CA8: variants seen among roughly 807,000 people sequenced by gnomAD.
CA8 encodes carbonic anhydrase 8 (inactive), also known as carbonic anhydrase-related protein.
In CA8, 22 loss-of-function variants were observed where a neutral mutation model predicts 41.4. The observed-to-expected ratio is 0.53, with a 90% CI of 0.38 to 0.76. The LOEUF (loss-of-function observed/expected upper bound fraction) is 0.76, where lower values mean the gene tolerates loss of function less well. Ranked by LOEUF, CA8 falls within the 30% of genes least tolerant of loss-of-function variation. The pLI, the probability that CA8 is intolerant of heterozygous loss-of-function variation, is 0.00. For synonymous variants in CA8, 121 were observed against 130.6 expected (o/e 0.93, Z 0.50); for missense variants, 270 against 352.8 (o/e 0.77, Z 1.88).
At chr8:60,194,671 A>G (rs553103077) in intron 8 of CA8, among the ~76,000 whole-genome samples, 1 of 152,144 alleles carries the variant, frequency 6.6e-6, no homozygotes, top group Non-Finnish European at 1.5e-5. Flanking sequence ...GCCTCCTTTT[A>G]CTCCAGCTTC....
chr8:60,199,357 A>AACTAGATTAAAG (rs1005664621), intron 8 of CA8, among the ~76,000 whole-genome samples: 5 of 152,106 alleles, frequency 3.3e-5, no homozygotes, highest in Non-Finnish European at 7.4e-5. Flanking sequence ...TTCAGGCAAA[A>AACTAGATTAAAG]ACTAGATTAA....
At chr8:60,193,392 C>T (rs1014386583) in intron 8 of CA8, among the ~76,000 whole-genome samples, 3 of 152,170 alleles carry the variant, frequency 2.0e-5, no homozygotes, top group Admixed American at 2.0e-4. Context: ...ATTTATTCAT[C>T]CCCTTGGTTT....
chr8:60,240,945 G>T (rs1421784165), intron 3 of CA8, among the ~76,000 whole-genome samples: 1 of 151,996 alleles, frequency 6.6e-6, no homozygotes, highest in Non-Finnish European at 1.5e-5. Flanking sequence ...AGTAAGCACT[G>T]GAAAAAGAAG....
At chr8:60,236,186 C>G (rs1807823005) in intron 3 of CA8, among the ~76,000 whole-genome samples, 1 of 152,154 alleles carries the variant, frequency 6.6e-6, no homozygotes, top group Non-Finnish European at 1.5e-5. Context: ...CTCATACAAT[C>G]AGTTAAAGGG....
intron 3 of CA8, among the ~76,000 whole-genome samples, chr8:60,256,116 G>C (rs1040234347): frequency 1.3e-5 from 2 of 151,996 alleles, no homozygotes; most frequent in African/African-American, 2.4e-5. Flanking sequence ...CACCATGTTG[G>C]TCAGGCTGGT....
At position 60,188,086 on chromosome 8, in the gene CA8, C is replaced by T. The variant is rs1806011987; in HGVS notation, c.*1935G>A. ...TCCAAACAATGTCACCAATGGACAC[C>T]ATGATCTGAACCAAGTAGTTCATTT... On this transcript the variant is annotated 3_prime_UTR_variant, in exon 9 of 9. Transcript: ENST00000317995. 6.6e-6 allele frequency: 1 copy of T among 152,136 alleles called. No individual in the cohort carries two copies. Among genetic ancestry groups the T allele is most frequent in the Non-Finnish European group, 1.5e-5 (1 of 68,026 alleles). 9.4% of individuals were successfully genotyped at this position (152,136 alleles called of 1,614,324 possible).
chr8:60,251,714 A>G (rs1808457205), intron 3 of CA8, among the ~76,000 whole-genome samples: 1 of 152,238 alleles, frequency 6.6e-6, no homozygotes, highest in South Asian at 2.1e-4. Flanking sequence ...GTCATCTGCC[A>G]TTCTTTCAAA....
chr8:60,260,599 CT>C (rs1301200882), intron 3 of CA8, among the ~76,000 whole-genome samples: 2 of 152,240 alleles, frequency 1.3e-5, no homozygotes, highest in Non-Finnish European at 2.9e-5. Flanking sequence ...TGATACTCTT[CT>C]TCATCCAGGC....
At chr8:60,232,613 C>G (rs1807693579) in intron 3 of CA8, 1 of 551,060 alleles carries the variant, frequency 1.8e-6, no homozygotes, top group Non-Finnish European at 3.3e-6. Flanking sequence ...AGTTTTAGTC[C>G]TGATGAGGAG....
intron 8 of CA8, among the ~76,000 whole-genome samples, chr8:60,203,271 A>G (rs1806485767): frequency 6.6e-6 from 1 of 152,194 alleles, no homozygotes; most frequent in African/African-American, 2.4e-5. Context: ...GGAGATAAAA[A>G]AAAGAAAAAT....
intron 1 of CA8, among the ~76,000 whole-genome samples, 175 bp from the exon 2 acceptor site, chr8:60,280,055 T>C (rs1264620604): frequency 6.6e-6 from 1 of 152,206 alleles, no homozygotes; most frequent in Non-Finnish European, 1.5e-5. Flanking sequence ...ATTTGAATGA[T>C]CTGTTATTAT....
chr8:60,239,958 T>C (rs985539570), intron 3 of CA8, among the ~76,000 whole-genome samples: 1 of 152,216 alleles, frequency 6.6e-6, no homozygotes. Flanking sequence ...AACCTCTTTT[T>C]CTTTATAAAT....
rs1331980465 is a variant in CA8, at chr8:60,279,771, G to A, written c.210C>T (p.Leu70=). The change falls in exon 2 of 9, where the codon CTC becomes CTT. Residue 70 remains leucine, a synonymous_variant. Coordinates refer to ENST00000317995, the MANE Select transcript of CA8 (RefSeq NM_004056.6). ...CTCGGCACACCACATAATTTGGGGA[G>A]AGGCGGACATCCAACAGCGAGGGGT... ...RYDPSLLDVR[L]SPNYVVCRDC... 1.9e-6 allele frequency: 3 copies of A among 1,614,184 alleles called. No homozygotes were observed. The highest frequency in any genetic ancestry group is 1.7e-5 in the Admixed American group (1 of 60,030).
At chr8:60,202,210 A>ATTT (rs377462858) in intron 8 of CA8, among the ~76,000 whole-genome samples, 2,359 of 139,606 alleles carry the variant, frequency 0.017, 26 homozygotes, top group African/African-American at 0.035. Flanking sequence ...TTCCCAGCTA[A>ATTT]TTTTTTTTTT....
At chr8:60,270,491 C>T (rs1804035174) in intron 2 of CA8, among the ~76,000 whole-genome samples, 1 of 151,886 alleles carries the variant, frequency 6.6e-6, no homozygotes, top group South Asian at 2.1e-4. Flanking sequence ...TCTCGGCTCA[C>T]TGCAACCTCC....
chr8:60,277,113 T>C (rs1392292529), intron 2 of CA8, among the ~76,000 whole-genome samples: 4 of 118,112 alleles, frequency 3.4e-5, no homozygotes, highest in African/African-American at 1.3e-4. Context: ...AGCGAGACTC[T>C]GTCTCAAAAG....
At chr8:60,202,454 T>C (rs570533450) in intron 8 of CA8, among the ~76,000 whole-genome samples, 2 of 152,340 alleles carry the variant, frequency 1.3e-5, no homozygotes, top group African/African-American at 4.8e-5. Context: ...CTCATAGTTC[T>C]TGGCACTCTA....
intron 3 of CA8, among the ~76,000 whole-genome samples, chr8:60,247,808 T>C (rs1436975040): frequency 6.6e-6 from 1 of 152,248 alleles, no homozygotes; most frequent in Non-Finnish European, 1.5e-5. Context: ...TTTCTGGTTC[T>C]AGATCCTTGA....
intron 8 of CA8, chr8:60,208,422 G>C: frequency 3.2e-6 from 1 of 317,410 alleles, no homozygotes; most frequent in South Asian, 3.0e-5. Flanking sequence ...TGCTTCACGG[G>C]GACAACATGG....
Sources: gnomAD v4.1 joint callset for allele counts (sites outside exome capture counted in the v4.1 genomes callset) on GRCh38, gnomAD v4.1.1 for gene constraint, MANE v1.5 for transcripts, NCBI Gene and HGNC (gene_info 2026-07-23, HGNC 2026-07-21) for gene names.